LRRTM4: variants seen among roughly 807,000 people sequenced by gnomAD.
The protein encoded by LRRTM4 is leucine rich repeat transmembrane neuronal 4.
A neutral mutation model predicts 47.6 loss-of-function variants in LRRTM4; 25 were observed. The ratio of observed to expected loss-of-function variants is 0.53; its 90% CI spans 0.38 to 0.73. The LOEUF is 0.73. Among genes scored for constraint, LRRTM4 ranks in the 30% least tolerant of loss-of-function variants. LRRTM4 has a pLI of 0.00. For synonymous variants in LRRTM4, 311 were observed against 269.5 expected (o/e 1.15, Z -1.51); for missense variants, 638 against 713.4 (o/e 0.89, Z 1.20).
intron 3 of LRRTM4, among the ~76,000 whole-genome samples, chr2:77,327,953 C>A (rs1670838222): frequency 2.0e-5 from 3 of 152,070 alleles, no homozygotes; most frequent in Admixed American, 6.6e-5. Flanking sequence ...GGACAGAAGA[C>A]AACAACGGAC....
At position 77,302,266 on chromosome 2, in the gene LRRTM4, T is replaced by C. The variant is rs115680902; in HGVS notation, c.1551+216052A>G. Among the ~76,000 whole-genome samples, 642 of 152,344 alleles carry C rather than the reference T, an allele frequency of 4.2e-3. 4 individuals carry two copies. The highest frequency in any genetic ancestry group is 0.014 in the African/African-American group (600 of 41,596). On this transcript the variant is annotated intron_variant, in intron 3 of 3. Coordinates refer to ENST00000409884, the MANE Select transcript of LRRTM4 (RefSeq NM_001134745.3). ...AGCCACAACACCATGCAGTCTTGCTTCAGTGTGGCATCCATGATATCAGTT... is the reference window on the plus strand; with the variant it reads ...AGCCACAACACCATGCAGTCTTGCTCCAGTGTGGCATCCATGATATCAGTT...
intron 3 of LRRTM4, among the ~76,000 whole-genome samples, chr2:76,903,132 G>A (rs1673699353): frequency 6.6e-6 from 1 of 152,104 alleles, no homozygotes; most frequent in Non-Finnish European, 1.5e-5. Context: ...AGCACTTTGG[G>A]AGGCCAAGGT....
chr2:77,418,722 T>C (rs527879885), intron 3 of LRRTM4, among the ~76,000 whole-genome samples: 51 of 152,266 alleles, frequency 3.3e-4, no homozygotes, highest in Non-Finnish European at 6.2e-4. Flanking sequence ...TATTTGAACT[T>C]GTTGTTCTTC....
intron 3 of LRRTM4, among the ~76,000 whole-genome samples, chr2:77,065,470 T>C (rs959581522): frequency 2.6e-5 from 4 of 152,196 alleles, no homozygotes; most frequent in Non-Finnish European, 5.9e-5. Context: ...CATCTCAACA[T>C]TGCCGTAGAG....
At chr2:76,932,111 C>T (rs939011835) in intron 3 of LRRTM4, among the ~76,000 whole-genome samples, 3 of 152,046 alleles carry the variant, frequency 2.0e-5, no homozygotes, top group Non-Finnish European at 4.4e-5. Context: ...CCTGTTCCTC[C>T]TTGTATTGTT....
chr2:76,890,679 C>G (rs1673222916), intron 3 of LRRTM4, among the ~76,000 whole-genome samples: 1 of 151,788 alleles, frequency 6.6e-6, no homozygotes, highest in South Asian at 2.1e-4. Flanking sequence ...ATAATAGCAG[C>G]CAACTAAACT....
At chr2:77,405,052 T>C (rs2103844710) in intron 3 of LRRTM4, among the ~76,000 whole-genome samples, 1 of 152,184 alleles carries the variant, frequency 6.6e-6, no homozygotes, top group South Asian at 2.1e-4. Flanking sequence ...TATTAAACAA[T>C]CAGCAATCAG....
chr2:77,481,951 G>A (rs1558764246), intron 3 of LRRTM4, among the ~76,000 whole-genome samples: 3 of 150,414 alleles, frequency 2.0e-5, no homozygotes. Flanking sequence ...ACTTCTCTCA[G>A]CAGGCACGGA....
At chr2:77,189,422 T>G (rs918920992) in intron 3 of LRRTM4, among the ~76,000 whole-genome samples, 1 of 152,186 alleles carries the variant, frequency 6.6e-6, no homozygotes, top group Non-Finnish European at 1.5e-5. Context: ...CTTCCTATAC[T>G]GAGATCCTAA....
intron 3 of LRRTM4, among the ~76,000 whole-genome samples, chr2:76,901,199 C>T (rs1052782689): frequency 1.3e-5 from 2 of 152,024 alleles, no homozygotes; most frequent in Non-Finnish European, 2.9e-5. Flanking sequence ...TGCTCTCCCT[C>T]CCCCATCCCA....
chr2:77,443,241 G>A (rs904577385), intron 3 of LRRTM4, among the ~76,000 whole-genome samples: 3 of 152,130 alleles, frequency 2.0e-5, no homozygotes, highest in African/African-American at 4.8e-5. Context: ...AAAGGAGAGA[G>A]TGAAAATGAA....
At chr2:77,405,552 T>C (rs1674151496) in intron 3 of LRRTM4, among the ~76,000 whole-genome samples, 1 of 152,156 alleles carries the variant, frequency 6.6e-6, no homozygotes, top group African/African-American at 2.4e-5. Context: ...TTTTTTTGCC[T>C]CTCACACTTT....
intron 3 of LRRTM4, among the ~76,000 whole-genome samples, chr2:77,092,790 C>G (rs1304645228): frequency 7.0e-6 from 1 of 143,186 alleles, no homozygotes; most frequent in African/African-American, 2.9e-5. Context: ...ACAGATGAGC[C>G]TTTATTAGTC....
chr2:77,486,990 T>C (rs1677938579), intron 3 of LRRTM4, among the ~76,000 whole-genome samples: 1 of 152,186 alleles, frequency 6.6e-6, no homozygotes, highest in Non-Finnish European at 1.5e-5. Context: ...TTAAATCATA[T>C]CGAAAGATTG....
At chr2:77,098,091 A>T (rs1670859475) in intron 3 of LRRTM4, among the ~76,000 whole-genome samples, 1 of 152,024 alleles carries the variant, frequency 6.6e-6, no homozygotes, top group African/African-American at 2.4e-5. Context: ...CATAAAAATG[A>T]AACTTATTAT....
At chr2:76,931,311 G>A (rs1011899483) in intron 3 of LRRTM4, among the ~76,000 whole-genome samples, 1 of 152,098 alleles carries the variant, frequency 6.6e-6, no homozygotes, top group Non-Finnish European at 1.5e-5. Context: ...ATGCATATTA[G>A]CAAAAATACT....
Position 77,345,074 on chromosome 2 carries a change from T to C in LRRTM4, c.1551+173244A>G, listed in dbSNP as rs946460340. Among the ~76,000 whole-genome samples the C allele has an allele frequency of 1.1e-4, 16 of 151,094 alleles. No individual in the cohort carries two copies. In the East Asian group the frequency reaches 3.1e-3, roughly 29 times the overall value. Reference sequence around the variant, plus strand: ...TATACAAATACCTAAAATAATTATATAAATAGTAAAACACTCAATAAAAAT... The same window carrying C: ...TATACAAATACCTAAAATAATTATACAAATAGTAAAACACTCAATAAAAAT... On this transcript the variant is annotated intron_variant, in intron 3 of 3. Transcript: ENST00000409884.
At chr2:77,423,548 T>A (rs1330542453) in intron 3 of LRRTM4, among the ~76,000 whole-genome samples, 1 of 152,100 alleles carries the variant, frequency 6.6e-6, no homozygotes, top group Non-Finnish European at 1.5e-5. Flanking sequence ...CAGTAACAAG[T>A]CCCTTCTATC....
At chr2:76,758,512 G>A (rs1673143715) in intron 3 of LRRTM4, among the ~76,000 whole-genome samples, 1 of 152,092 alleles carries the variant, frequency 6.6e-6, no homozygotes. Context: ...ATGAAAAGAG[G>A]CATTGAGATG....
Sources: allele counts gnomAD v4.1 joint callset (sites outside exome capture counted in the v4.1 genomes callset), GRCh38; gene constraint gnomAD v4.1.1; transcripts MANE v1.5; gene names NCBI Gene and HGNC (gene_info 2026-07-23, HGNC 2026-07-21).